The following ABCC8 variants were observed in gnomAD, a reference collection of about 807,000 sequenced individuals.
ABCC8 encodes ATP binding cassette subfamily C member 8, also known as ATP-binding cassette sub-family C member 8.
In ABCC8, 137 loss-of-function variants were observed where a neutral mutation model predicts 188.0. That is an observed-to-expected ratio of 0.73 (90% confidence interval 0.63 to 0.84). The LOEUF is 0.84. Ranked by LOEUF, ABCC8 falls within the 40% of genes least tolerant of loss-of-function variation. The pLI, the probability that ABCC8 is intolerant of heterozygous loss-of-function variation, is 0.00. For synonymous variants in ABCC8, 797 were observed against 846.5 expected, an observed-to-expected ratio of 0.94 and a Z score of 1.01; for missense variants, 1,750 against 2,072.7, an observed-to-expected ratio of 0.84 and a Z score of 3.02.
intron 10 of ABCC8, among the ~76,000 whole-genome samples, chr11:17,441,988 G>A (rs1956334518): frequency 1.3e-5 from 2 of 152,172 alleles, no homozygotes. Flanking sequence ...GCTGAGGCAG[G>A]AGAATCACTT....
chr11:17,467,053 C>CACACACACAA (rs1359619893), intron 3 of ABCC8, among the ~76,000 whole-genome samples: 6 of 144,944 alleles, frequency 4.1e-5, no homozygotes, highest in Non-Finnish European at 8.9e-5. Context: ...CACACACACA[C>CACACACACAA]ACACACACAC....
chr11:17,392,907 A>C lies in ABCC8; in HGVS notation c.*84T>G. On this transcript the variant is annotated 3_prime_UTR_variant, in exon 39 of 39. Coordinates refer to ENST00000389817, the MANE Select transcript of ABCC8 (RefSeq NM_000352.6). ...TAGTAGGAAATAATCAAATCTATTTATTTACAAGTGATTTACAGTTAGAAA... is the reference window on the plus strand; with the variant it reads ...TAGTAGGAAATAATCAAATCTATTTCTTTACAAGTGATTTACAGTTAGAAA... The C allele has an allele frequency of 1.3e-6, 2 of 1,485,060 alleles. No individual in the cohort carries two copies. The highest frequency in any genetic ancestry group is 1.9e-6 in the Non-Finnish European group (2 of 1,068,836). 92.0% of individuals were successfully genotyped at this position (1,485,060 alleles called of 1,614,324 possible).
intron 23 of ABCC8, 164 bp downstream of exon 23, chr11:17,408,228 G>A: frequency 3.0e-6 from 2 of 664,288 alleles, no homozygotes; most frequent in Non-Finnish European, 5.1e-6. Flanking sequence ...CCTGGCACAG[G>A]TACTGTCTCT....
At chr11:17,458,990 G>A (rs911576377) in intron 6 of ABCC8, among the ~76,000 whole-genome samples, 1 of 152,190 alleles carries the variant, frequency 6.6e-6, no homozygotes, top group African/African-American at 2.4e-5. Context: ...CAGAGGTGAT[G>A]GCTTGATAAT....
intron 16 of ABCC8, among the ~76,000 whole-genome samples, chr11:17,426,263 T>C (rs2133528431): frequency 6.6e-6 from 1 of 152,340 alleles, no homozygotes; most frequent in South Asian, 2.1e-4. Context: ...ATCACCGCAC[T>C]GTCTTCCACA....
intron 21 of ABCC8, among the ~76,000 whole-genome samples, chr11:17,411,467 G>T (rs542385698): frequency 1.3e-5 from 2 of 152,368 alleles, no homozygotes; most frequent in Admixed American, 1.3e-4. Context: ...CGGTAACGGA[G>T]ACTGAATCTT....
Position 17,393,693 on chromosome 11 carries a change from T to A in ABCC8, c.4608+4A>T. 1 of 1,614,170 alleles carries A rather than the reference T, an allele frequency of 6.2e-7. No individual in the cohort carries two copies. Among genetic ancestry groups the A allele is most frequent in the South Asian group, 1.1e-5 (1 of 91,086 alleles). The stretch of plus-strand genomic sequence containing the variant: ...CCTCTGCACCCCATCAATGGGCCCC[T>A]TACCGCGATGGTGACCACAGTGCGG... On this transcript the variant is annotated splice_donor_region_variant and intron_variant, in intron 38 of 38. Transcript: ENST00000389817.
At chr11:17,448,440 G>A (rs780535352) in intron 8 of ABCC8, 76 bp downstream of exon 8, 2 of 1,324,486 alleles carry the variant, frequency 1.5e-6, no homozygotes, top group Non-Finnish European at 2.2e-6. Context: ...TGTGCTCCTA[G>A]TTACTGGCCA....
intron 16 of ABCC8, among the ~76,000 whole-genome samples, chr11:17,422,477 A>G (rs4148624): frequency 0.2 from 31,061 of 152,056 alleles, 3,933 homozygotes; most frequent in African/African-American, 0.35. Flanking sequence ...GAGTGAACCA[A>G]AAACAACTTA....
intron 3 of ABCC8, 75 bp from the exon 4 acceptor site, chr11:17,463,679 T>C (rs1847971609): frequency 1.9e-6 from 3 of 1,539,480 alleles, no homozygotes; most frequent in African/African-American, 1.4e-5. Flanking sequence ...TGTGCAAGTA[T>C]GTGGCAGAGA....
chr11:17,397,824 G>A (rs1353974517), intron 30 of ABCC8, 27 bp from the exon 31 acceptor site: 1 of 1,612,272 alleles, frequency 6.2e-7, no homozygotes, highest in Non-Finnish European at 8.5e-7. Context: ...GCTGACCTGG[G>A]CGCTCAGGGG....
At position 17,441,855 on chromosome 11, in the gene ABCC8, G is replaced by T. The variant is rs138113893; in HGVS notation, c.1630+865C>A. Among the ~76,000 whole-genome samples, 154 of 152,318 alleles carry T rather than the reference G, an allele frequency of 1.0e-3. 1 individual carries two copies. In the East Asian group the frequency reaches 0.022, roughly 22 times the overall value. On this transcript the variant is annotated intron_variant, in intron 10 of 38. Transcript: ENST00000389817. Reference sequence around the variant, plus strand: ...CCAGCACTTTGGGAGGCTGAGGCGGGTGGATCACGAGGTCAGGAGTTCAAG... The same window carrying T: ...CCAGCACTTTGGGAGGCTGAGGCGGTTGGATCACGAGGTCAGGAGTTCAAG...
At chr11:17,466,432 T>C (rs1848154402) in intron 3 of ABCC8, among the ~76,000 whole-genome samples, 1 of 148,714 alleles carries the variant, frequency 6.7e-6, no homozygotes, top group African/African-American at 2.5e-5. Context: ...CAGTGCATGA[T>C]GCCGCTTAGA....
intron 2 of ABCC8, among the ~76,000 whole-genome samples, chr11:17,473,653 G>A (rs1848600741): frequency 6.6e-6 from 1 of 152,116 alleles, no homozygotes; most frequent in African/African-American, 2.4e-5. Context: ...TTAGTGAGAT[G>A]GCTGCTCCCG....
At position 17,427,727 on chromosome 11, in the gene ABCC8, C is replaced by T; in HGVS notation, c.2116+140G>A. The stretch of plus-strand genomic sequence containing the variant: ...CGGAAGCCTCTAGAATGTAGCCTTC[C>T]CCTTCTATAATATACCCAGGGCATA... On this transcript the variant is annotated intron_variant, in intron 15 of 38. Coordinates refer to ENST00000389817, the MANE Select transcript of ABCC8 (RefSeq NM_000352.6). This position sits in a 1 kb window ranked among gnomAD's most constrained non-coding sequence, Gnocchi z 5.0. The T allele has an allele frequency of 1.7e-6, 2 of 1,211,828 alleles. No homozygotes were observed. Among genetic ancestry groups the T allele is most frequent in the East Asian group, 2.6e-5 (1 of 39,106 alleles). The allele number at this position is 1,211,828 out of a possible 1,614,324, so 75.1% of individuals were successfully genotyped here.
chr11:17,460,844 T>C (rs1482011247), intron 5 of ABCC8, 168 bp from the exon 6 acceptor site: 5 of 1,403,108 alleles, frequency 3.6e-6, no homozygotes, highest in African/African-American at 2.9e-5. Context: ...AAGTGCACAG[T>C]TGGGAGGGCC....
chr11:17,450,129 G>A (rs1010985358), intron 7 of ABCC8, among the ~76,000 whole-genome samples: 2 of 152,162 alleles, frequency 1.3e-5, no homozygotes, highest in Non-Finnish European at 2.9e-5. Context: ...TGCACAAAGC[G>A]TGGTTATTCT....
At chr11:17,431,223 G>A (rs2133550695) in intron 11 of ABCC8, among the ~76,000 whole-genome samples, 1 of 152,364 alleles carries the variant, frequency 6.6e-6, no homozygotes, top group East Asian at 1.9e-4. Context: ...TCTTGGCTGG[G>A]AATAAGCAGG....
chr11:17,405,513 T>G lies in ABCC8; in HGVS notation c.3380A>C (p.Asp1127Ala), dbSNP rs1172900437. 3.1e-6 allele frequency: 5 copies of G among 1,614,230 alleles called. No homozygotes were observed. The highest frequency in any genetic ancestry group is 4.2e-6 in the Non-Finnish European group (5 of 1,180,032). ...LGSILNRFSS[D>A]CNTIDQHIPS... ...CTGTACCTGGTCGATGGTGTTACAG[T>G]CAGATGAAAATCTGTTCAGGATGCT... The change falls in exon 27 of 39, where the codon GAC becomes GCC. Residue 1127 changes from aspartate to alanine, a missense_variant. By Grantham distance (126) the Asp-to-Ala change is moderately radical. Coordinates refer to ENST00000389817, the MANE Select transcript of ABCC8 (RefSeq NM_000352.6).
Sources: allele counts gnomAD v4.1 joint callset (sites outside exome capture counted in the v4.1 genomes callset), GRCh38; gene constraint gnomAD v4.1.1; non-coding constraint Gnocchi (gnomAD v3.1); transcripts MANE v1.5; gene names NCBI Gene and HGNC (gene_info 2026-07-23, HGNC 2026-07-21).